Variants in FN1 observed in about 807,000 individuals in gnomAD.
FN1 encodes the protein fibronectin.
Under a neutral mutation model 297.3 loss-of-function variants are expected in FN1, and 106 were observed. The ratio of observed to expected loss-of-function variants is 0.36; its 90% CI spans 0.30 to 0.42. The LOEUF is 0.42. Among genes scored for constraint, FN1 ranks in the 10% least tolerant of loss-of-function variants. The pLI, the probability that FN1 is intolerant of heterozygous loss-of-function variation, is 1.00. For synonymous variants in FN1, 1,149 were observed against 1,152.6 expected (o/e 1.00, Z 0.06); for missense variants, 2,690 against 3,124.9 (o/e 0.86, Z 3.32).
At chr2:215,401,626 G>A (rs191018112) in intron 20 of FN1, among the ~76,000 whole-genome samples, 41 of 152,248 alleles carry the variant, frequency 2.7e-4, no homozygotes, top group African/African-American at 9.1e-4. Flanking sequence ...TGGCTGGCAA[G>A]ACAAAGAATT....
chr2:215,385,453 T>C (rs2058807885), intron 28 of FN1, among the ~76,000 whole-genome samples: 1 of 151,192 alleles, frequency 6.6e-6, no homozygotes, highest in Non-Finnish European at 1.5e-5. Context: ...TCCCAGCTAC[T>C]TGGGAGGCTG....
chr2:215,409,626 T>C lies in FN1; in HGVS notation c.2236A>G (p.Thr746Ala). ...TATTCCACCCGGAATCCCGACACGG[T>C]GTCGGAAGCTGAGACCCAGGAGACC... ...FVVSWVSASD[T>A]VSGFRVEYEL... Residue 746 changes from threonine to alanine, a missense_variant, in exon 15 of 46, where the codon ACC becomes GCC. By Grantham distance (58) the Thr-to-Ala change is moderately conservative (BLOSUM62 0). Around this residue, in one of 3 missense-constraint regions of FN1, gnomAD observed 876 missense variants for 1,058.1 expected, o/e 0.83. Coordinates refer to ENST00000354785, the MANE Select transcript of FN1 (RefSeq NM_212482.4). 1.2e-6 allele frequency: 2 copies of C among 1,613,982 alleles called. No individual in the cohort carries two copies. The highest frequency in any genetic ancestry group is 1.7e-6 in the Non-Finnish European group (2 of 1,179,996).
Position 215,408,437 on chromosome 2 carries a change from A to C in FN1, c.2300-11T>G. The C allele has an allele frequency of 6.2e-7, 1 of 1,614,066 alleles. No homozygotes were observed. Among genetic ancestry groups the C allele is most frequent in the East Asian group, 2.2e-5 (1 of 44,876 alleles). Reference sequence around the variant, plus strand: ...CTGTGCTTGGAAGATCTTTGAAATGAAAAGAAAAGGTAACTAATCAGAGCA... The same window carrying C: ...CTGTGCTTGGAAGATCTTTGAAATGCAAAGAAAAGGTAACTAATCAGAGCA... On this transcript the variant is annotated splice_polypyrimidine_tract_variant and intron_variant, in intron 15 of 45. Transcript: ENST00000354785.
chr2:215,406,186 G>A lies in FN1; in HGVS notation c.2986+52C>T, dbSNP rs1365015452. On this transcript the variant is annotated intron_variant, in intron 19 of 45. Coordinates refer to ENST00000354785, the MANE Select transcript of FN1 (RefSeq NM_212482.4). ...GGTTTACTGCACTTTCTCACAGGCTGCAAGTGAGGGTGGAGAATTTGGAGG... is the reference window on the plus strand; with the variant it reads ...GGTTTACTGCACTTTCTCACAGGCTACAAGTGAGGGTGGAGAATTTGGAGG... The A allele has an allele frequency of 3.8e-6, 6 of 1,578,358 alleles. No individual in the cohort carries two copies. The Admixed American group carries it at 1.0e-4, about 26-fold the overall frequency.
chr2:215,408,464 A>G, intron 15 of FN1, 38 bp from the exon 16 acceptor site: 1 of 1,608,752 alleles, frequency 6.2e-7, no homozygotes, highest in South Asian at 1.1e-5. Context: ...ATCAGAGCAA[A>G]CTAGTCCCTC....
At chr2:215,365,865 G>A (rs1186825106) in intron 42 of FN1, 1 of 209,460 alleles carries the variant, frequency 4.8e-6, no homozygotes, top group African/African-American at 2.4e-5. Flanking sequence ...GAGTGAAGTG[G>A]TGCAATCTCG....
chr2:215,432,589 C>A (rs554044425), intron 3 of FN1, among the ~76,000 whole-genome samples: 1 of 152,318 alleles, frequency 6.6e-6, no homozygotes, highest in East Asian at 1.9e-4. Flanking sequence ...TGGGCCTATT[C>A]ACACGGGACT....
chr2:215,432,104 C>G, intron 3 of FN1, 140 bp from the exon 4 acceptor site: 1 of 923,902 alleles, frequency 1.1e-6, no homozygotes, highest in Admixed American at 2.0e-5. Flanking sequence ...ACAGGGGAAA[C>G]GTTAACAGGT....
chr2:215,403,725 A>T (rs1378051485), intron 20 of FN1, among the ~76,000 whole-genome samples: 1 of 152,222 alleles, frequency 6.6e-6, no homozygotes, highest in South Asian at 2.1e-4. Flanking sequence ...AGACATGACC[A>T]AAAATTATTG....
chr2:215,413,942 T>C (rs2063066723), intron 13 of FN1, among the ~76,000 whole-genome samples: 1 of 152,196 alleles, frequency 6.6e-6, no homozygotes. Flanking sequence ...AGGAGGCCCT[T>C]TTAAATCTGA....
chr2:215,435,535 C>G, intron 1 of FN1, 120 bp downstream of exon 1: 1 of 1,442,088 alleles, frequency 6.9e-7, no homozygotes, highest in East Asian at 2.4e-5. Context: ...GCTGGTTTCT[C>G]TCAGTAAAGC....
At chr2:215,404,303 T>TC in intron 20 of FN1, 86 bp downstream of exon 20, 2 of 1,333,682 alleles carry the variant, frequency 1.5e-6, no homozygotes, top group African/African-American at 3.0e-5. Flanking sequence ...TTTAATGTTT[T>TC]TTTTGTTTTG....
intron 28 of FN1, among the ~76,000 whole-genome samples, chr2:215,385,204 CCCT>C: frequency 6.8e-6 from 1 of 148,052 alleles, no homozygotes; most frequent in Non-Finnish European, 1.5e-5. Context: ...GAGTTTTTTT[CCCT>C]CAACATTTTA....
At chr2:215,370,122 G>T (rs543865685) in intron 41 of FN1, among the ~76,000 whole-genome samples, 172 bp downstream of exon 41, 3 of 152,294 alleles carry the variant, frequency 2.0e-5, no homozygotes, top group African/African-American at 7.2e-5. Context: ...TATGGCAGGA[G>T]GTGGGGGAGA....
At chr2:215,416,346 C>G (rs568571925) in intron 12 of FN1, among the ~76,000 whole-genome samples, 1 of 152,244 alleles carries the variant, frequency 6.6e-6, no homozygotes, top group East Asian at 1.9e-4. Flanking sequence ...ATGTATTTCA[C>G]AGAACACACA....
Position 215,383,955 on chromosome 2 carries a change from A to G in FN1, c.4894+65T>C, listed in dbSNP as rs2058562538. The G allele has an allele frequency of 1.9e-6, 3 of 1,550,782 alleles. No individual in the cohort carries two copies. The East Asian group carries it at 6.8e-5, about 35-fold the overall frequency. On this transcript the variant is annotated intron_variant, in intron 30 of 45. Coordinates refer to ENST00000354785, the MANE Select transcript of FN1 (RefSeq NM_212482.4). ...TCTACAATTAGAAAAATACCTTGGGAGAACATTGCAAAACAGTATCTGAAT... is the reference window on the plus strand; with the variant it reads ...TCTACAATTAGAAAAATACCTTGGGGGAACATTGCAAAACAGTATCTGAAT...
intron 6 of FN1, among the ~76,000 whole-genome samples, chr2:215,426,698 G>A (rs1235364324): frequency 6.6e-6 from 1 of 152,146 alleles, no homozygotes; most frequent in Non-Finnish European, 1.5e-5. Context: ...ATTCTGCAGA[G>A]CAGGTTCCAT....
intron 23 of FN1, 47 bp from the exon 24 acceptor site, chr2:215,394,766 C>G (rs1308983757): frequency 3.5e-6 from 5 of 1,444,848 alleles, no homozygotes. Context: ...GATCTGTGAG[C>G]CAGAGCATAT....
rs779906779 is a variant in FN1, at chr2:215,414,766, A to G, written c.1941+71T>C. The G allele has an allele frequency of 1.4e-5, 22 of 1,593,576 alleles. No homozygotes were observed. In the South Asian group the frequency reaches 1.8e-4, roughly 13 times the overall value. On this transcript the variant is annotated intron_variant, in intron 13 of 45. Coordinates refer to ENST00000354785, the MANE Select transcript of FN1 (RefSeq NM_212482.4). Reference sequence around the variant, plus strand: ...CAGAGTTGTTGGCTCAAAAGCTGGGAAAAAAAGAAACCATCAGAATTGATA... The same window carrying G: ...CAGAGTTGTTGGCTCAAAAGCTGGGGAAAAAAGAAACCATCAGAATTGATA...
Sources: gnomAD v4.1 joint callset for allele counts (sites outside exome capture counted in the v4.1 genomes callset) on GRCh38, gnomAD v4.1.1 for gene constraint, gnomAD v4.1.1 regional missense constraint, MANE v1.5 for transcripts, NCBI Gene and HGNC (gene_info 2026-07-23, HGNC 2026-07-21) for gene names.